BRAF: variants seen among roughly 807,000 people sequenced by gnomAD.
BRAF encodes B-Raf proto-oncogene, serine/threonine kinase, also known as serine/threonine-protein kinase B-raf.
BRAF carries 16 observed loss-of-function variants against 104.6 expected under a neutral mutation model. The ratio of observed to expected loss-of-function variants is 0.15; its 90% confidence interval spans 0.10 to 0.23. The LOEUF (loss-of-function observed/expected upper bound fraction) is 0.23. Among genes scored for constraint, BRAF ranks in the 10% least tolerant of loss-of-function variants. BRAF has a pLI of 1.00. For missense variants in BRAF, 541 were observed against 937.3 expected, an observed-to-expected ratio of 0.58 and a Z score of 5.52; for synonymous variants, 310 against 341.6, an observed-to-expected ratio of 0.91 and a Z score of 1.02.
At chr7:140,814,530 T>A (rs1038810039) in intron 3 of BRAF, among the ~76,000 whole-genome samples, 5 of 151,680 alleles carry the variant, frequency 3.3e-5, no homozygotes, top group Non-Finnish European at 7.4e-5. Context: ...CCAGGCATGG[T>A]GGCAGGCTCC....
chr7:140,916,225 C>T (rs1468605287), intron 1 of BRAF, among the ~76,000 whole-genome samples: 2 of 152,180 alleles, frequency 1.3e-5, no homozygotes, highest in African/African-American at 4.8e-5. Flanking sequence ...TCATTTTACA[C>T]TGTAGGGATA....
intron 1 of BRAF, among the ~76,000 whole-genome samples, chr7:140,917,122 G>A (rs548198191): frequency 2.6e-5 from 4 of 152,278 alleles, no homozygotes; most frequent in South Asian, 4.2e-4. Context: ...GTGCAATGAC[G>A]CGATCTCGGC....
chr7:140,841,608 C>T (rs540515965), intron 2 of BRAF, among the ~76,000 whole-genome samples: 30 of 152,226 alleles, frequency 2.0e-4, no homozygotes, highest in African/African-American at 7.0e-4. Context: ...ACTTTGGAAA[C>T]ATTACATTAA....
intron 1 of BRAF, among the ~76,000 whole-genome samples, chr7:140,901,476 T>C (rs1488017656): frequency 2.0e-5 from 3 of 152,242 alleles, no homozygotes; most frequent in East Asian, 1.9e-4. Flanking sequence ...ATTTTGGCTA[T>C]TCTTGCCTCT....
In BRAF at chr7:140,834,726, T is replaced by C; in HGVS notation, c.387A>G (p.Ser129=). The C allele has an allele frequency of 1.2e-6, 2 of 1,614,146 alleles. No homozygotes were observed. Among genetic ancestry groups the C allele is most frequent in the Non-Finnish European group, 1.7e-6 (2 of 1,180,002 alleles). ...TVTSSSSSSL[S]VLPSSLSVFQ... Reference sequence around the variant, plus strand: ...AAACTGAAAGAGATGAAGGTAGCACTGAAAGGCTAGAAGAGGAAGAAGATG... The same window carrying C: ...AAACTGAAAGAGATGAAGGTAGCACCGAAAGGCTAGAAGAGGAAGAAGATG... The change falls in exon 3 of 20, where the codon TCA becomes TCG. Residue 129 remains serine (S), a synonymous_variant. Transcript: ENST00000644969.
At chr7:140,874,154 A>C (rs1811929091) in intron 1 of BRAF, among the ~76,000 whole-genome samples, 4 of 152,100 alleles carry the variant, frequency 2.6e-5, no homozygotes, top group Admixed American at 1.3e-4. Flanking sequence ...GGGATAGAGG[A>C]CAAGGATCTG....
At chr7:140,801,337 G>A (rs984086870) in intron 6 of BRAF, 75 bp downstream of exon 6, 5 of 1,528,966 alleles carry the variant, frequency 3.3e-6, no homozygotes, top group Non-Finnish European at 4.5e-6. Context: ...CAGACTTTTA[G>A]ACATCGTAGC....
rs72313787 is a variant in BRAF at position 140,775,200 on chromosome 7, TAACA to T, written c.1814+1708_1814+1711del. ...TGGCATGTGTATCCTAAAGAGAATA[TAACA>T]AACATAAAGGTCCTAAAGAAGGAAC... is the stretch of plus-strand genomic sequence containing the variant. On this transcript the variant is annotated intron_variant, in intron 14 of 19. Coordinates refer to ENST00000644969, the MANE Select transcript of BRAF (RefSeq NM_001374258.1). Among the ~76,000 whole-genome samples, 834 of 152,092 alleles carry T rather than the reference TAACA, an allele frequency of 5.5e-3. 6 individuals are homozygous for T. Among genetic ancestry groups the T allele is most frequent in the African/African-American group, 0.019 (793 of 41,482 alleles).
chr7:140,828,106 G>A (rs1399526337), intron 3 of BRAF, among the ~76,000 whole-genome samples: 1 of 152,036 alleles, frequency 6.6e-6, no homozygotes, highest in Admixed American at 6.6e-5. Flanking sequence ...ATGTTGGCCA[G>A]GCTGGTCTAG....
At chr7:140,850,691 A>G (rs934815010) in intron 1 of BRAF, among the ~76,000 whole-genome samples, 1 of 152,162 alleles carries the variant, frequency 6.6e-6, no homozygotes, top group Non-Finnish European at 1.5e-5. Context: ...ATATGCATAT[A>G]TTTTACTCCC....
chr7:140,875,923 C>T (rs1812192608), intron 1 of BRAF, among the ~76,000 whole-genome samples: 1 of 152,150 alleles, frequency 6.6e-6, no homozygotes, highest in East Asian at 1.9e-4. Context: ...TACCAGCAGA[C>T]CTGTTCTAAA....
intron 14 of BRAF, among the ~76,000 whole-genome samples, chr7:140,774,305 C>CA (rs1480614407): frequency 6.6e-6 from 1 of 152,194 alleles, no homozygotes; most frequent in African/African-American, 2.4e-5. Context: ...TTTAAAAACA[C>CA]AACCAAAGTG....
chr7:140,906,877 C>T (rs1816384435), intron 1 of BRAF, among the ~76,000 whole-genome samples: 1 of 152,102 alleles, frequency 6.6e-6, no homozygotes, highest in Non-Finnish European at 1.5e-5. Flanking sequence ...TGCAGTTTTC[C>T]TATGATTTGT....
At chr7:140,880,595 G>T (rs762350988) in intron 1 of BRAF, among the ~76,000 whole-genome samples, 1 of 152,092 alleles carries the variant, frequency 6.6e-6, no homozygotes, top group Non-Finnish European at 1.5e-5. Flanking sequence ...ATGTTGCCCA[G>T]ATCCATCATA....
chr7:140,820,543 AG>A (rs1805364962), intron 3 of BRAF, among the ~76,000 whole-genome samples: 1 of 152,240 alleles, frequency 6.6e-6, no homozygotes, highest in African/African-American at 2.4e-5. Flanking sequence ...ATGTGAAATA[AG>A]GGTATCAAGT....
intron 2 of BRAF, among the ~76,000 whole-genome samples, chr7:140,838,081 T>G (rs1008120600): frequency 6.6e-6 from 1 of 152,150 alleles, no homozygotes; most frequent in Non-Finnish European, 1.5e-5. Context: ...CACCATTTCT[T>G]TTGGTTATTC....
chr7:140,915,499 A>G (rs1817524701), intron 1 of BRAF, among the ~76,000 whole-genome samples: 2 of 151,592 alleles, frequency 1.3e-5, no homozygotes, highest in Admixed American at 1.3e-4. Context: ...CAATGGCGCA[A>G]TATCGGCTCA....
At chr7:140,899,716 T>C (rs959245185) in intron 1 of BRAF, among the ~76,000 whole-genome samples, 2 of 152,296 alleles carry the variant, frequency 1.3e-5, no homozygotes, top group Non-Finnish European at 2.9e-5. Flanking sequence ...TAGAAATCTA[T>C]AGGAATTTTT....
chr7:140,719,554 T>C lies in BRAF; in HGVS notation c.*6940A>G. On this transcript the variant is annotated 3_prime_UTR_variant, in exon 20 of 20. Transcript: ENST00000644969. ...AATTTACATGAGAAAAACTCCAAAG[T>C]ACAAATGAAGGGACCTGAGCAGGAA... 1 of 1,050,868 alleles carries C rather than the reference T, an allele frequency of 9.5e-7. No individual in the cohort carries two copies. The highest frequency in any genetic ancestry group is 1.2e-6 in the Non-Finnish European group (1 of 868,178). 65.1% of individuals were successfully genotyped at this position (1,050,868 alleles called of 1,614,324 possible). A position where few individuals can be genotyped will look rare whatever the true frequency, so the allele number is the denominator to read the frequency against.
Sources: allele counts gnomAD v4.1 joint callset (sites outside exome capture counted in the v4.1 genomes callset), GRCh38; gene constraint gnomAD v4.1.1; transcripts MANE v1.5; gene names NCBI Gene and HGNC (gene_info 2026-07-23, HGNC 2026-07-21).